Variants in MYO1D observed in about 807,000 individuals in gnomAD.
The protein encoded by MYO1D is unconventional myosin-Id.
MYO1D carries 83 observed loss-of-function variants against 122.0 expected under a neutral mutation model. The observed-to-expected ratio is 0.68, with a 90% CI of 0.57 to 0.82. The LOEUF (loss-of-function observed/expected upper bound fraction) is 0.82, where lower values mean the gene tolerates loss of function less well. Ranked by LOEUF, MYO1D falls within the 40% of genes least tolerant of loss-of-function variation. The pLI, the probability that MYO1D is intolerant of heterozygous loss-of-function variation, is 0.00. For synonymous variants in MYO1D, 464 were observed against 446.9 expected (o/e 1.04, Z -0.48); for missense variants, 1,157 against 1,269.5 (o/e 0.91, Z 1.35).
intron 1 of MYO1D, among the ~76,000 whole-genome samples, chr17:32,848,222 T>C (rs1182621441): frequency 2.6e-5 from 4 of 152,230 alleles, no homozygotes; most frequent in Non-Finnish European, 5.9e-5. Flanking sequence ...ATATGGACTT[T>C]GGTACAAGAT....
intron 17 of MYO1D, among the ~76,000 whole-genome samples, chr17:32,656,374 G>A (rs534579145): frequency 6.6e-6 from 1 of 151,906 alleles, no homozygotes; most frequent in African/African-American, 2.4e-5. Flanking sequence ...AAGCAGATGG[G>A]ATCCAGCTGA....
intron 20 of MYO1D, among the ~76,000 whole-genome samples, chr17:32,617,406 A>G (rs1344728406): frequency 6.6e-6 from 1 of 152,076 alleles, no homozygotes; most frequent in East Asian, 1.9e-4. Context: ...AAGGCCTCAG[A>G]TACTGCAGAG....
chr17:32,543,268 T>C (rs1910901633), intron 21 of MYO1D, among the ~76,000 whole-genome samples: 1 of 149,978 alleles, frequency 6.7e-6, no homozygotes, highest in African/African-American at 2.5e-5. Flanking sequence ...TCTGATTATT[T>C]GGTGAGTCAT....
intron 1 of MYO1D, among the ~76,000 whole-genome samples, chr17:32,874,201 T>C (rs2091206822): frequency 6.6e-6 from 1 of 152,056 alleles, no homozygotes; most frequent in South Asian, 2.1e-4. Flanking sequence ...ACTTGACAAA[T>C]AATCACCTAA....
chr17:32,808,127 G>A (rs918972272), intron 1 of MYO1D, among the ~76,000 whole-genome samples: 1 of 152,078 alleles, frequency 6.6e-6, no homozygotes, highest in Non-Finnish European at 1.5e-5. Flanking sequence ...TAAATTTGAT[G>A]TTTTGGAAGG....
At chr17:32,513,947 TA>T (rs1000735834) in intron 21 of MYO1D, among the ~76,000 whole-genome samples, 1 of 151,732 alleles carries the variant, frequency 6.6e-6, no homozygotes, top group African/African-American at 2.4e-5. Flanking sequence ...CCATGCTAAT[TA>T]AAAAAATTTT....
intron 16 of MYO1D, among the ~76,000 whole-genome samples, chr17:32,669,361 T>G (rs192850344): frequency 6.6e-6 from 1 of 152,326 alleles, no homozygotes; most frequent in Admixed American, 6.5e-5. Context: ...CTTCCATTAC[T>G]TCCTTTCATG....
In MYO1D at chr17:32,867,730, G is replaced by A. The variant is rs1468023377; in HGVS notation, c.95+9048C>T. On this transcript the variant is annotated intron_variant, in intron 1 of 21. Coordinates refer to ENST00000318217, the MANE Select transcript of MYO1D (RefSeq NM_015194.3). Reference sequence around the variant, plus strand: ...GAGAACTGCTTGAACCCAGGAGATGGAGGTTGCAGTGAGCCGAGAGATCAT... The same window carrying A: ...GAGAACTGCTTGAACCCAGGAGATGAAGGTTGCAGTGAGCCGAGAGATCAT... 3.3e-5 allele frequency among the ~76,000 whole-genome samples: 5 copies of A among 149,600 alleles called. No homozygotes were observed. In the East Asian group the frequency reaches 7.9e-4, roughly 24 times the overall value.
intron 16 of MYO1D, among the ~76,000 whole-genome samples, chr17:32,683,420 G>A (rs1258399539): frequency 6.6e-6 from 1 of 152,172 alleles, no homozygotes; most frequent in Non-Finnish European, 1.5e-5. Flanking sequence ...TGTACAGATG[G>A]GTTTTCGGTG....
At chr17:32,656,031 C>G (rs1255655483) in intron 17 of MYO1D, among the ~76,000 whole-genome samples, 1 of 152,086 alleles carries the variant, frequency 6.6e-6, no homozygotes, top group Non-Finnish European at 1.5e-5. Flanking sequence ...AAGCTTAAAC[C>G]AAAAATAACC....
Position 32,756,776 on chromosome 17 carries a change from A to G in MYO1D, c.1297-1114T>C, listed in dbSNP as rs538434619. Among the ~76,000 whole-genome samples the G allele has an allele frequency of 1.1e-4, 16 of 152,322 alleles. 3 individuals are homozygous for G. Among genetic ancestry groups the G allele is most frequent in the African/African-American group, 3.4e-4 (14 of 41,576 alleles). On this transcript the variant is annotated intron_variant, in intron 10 of 21. Coordinates refer to ENST00000318217, the MANE Select transcript of MYO1D (RefSeq NM_015194.3). The stretch of plus-strand genomic sequence containing the variant: ...TCTGAGAAATAAATATCTATAAAAG[A>G]TAAGAAAAAGCTTTTCCTTTACTTC...
intron 14 of MYO1D, among the ~76,000 whole-genome samples, chr17:32,721,948 T>C (rs1304235846): frequency 6.6e-6 from 1 of 152,238 alleles, no homozygotes; most frequent in African/African-American, 2.4e-5. Flanking sequence ...GTGTAAAGAA[T>C]TTCTTTTTCT....
intron 21 of MYO1D, among the ~76,000 whole-genome samples, chr17:32,579,979 T>A (rs1041192611): frequency 6.6e-5 from 10 of 152,224 alleles, no homozygotes; most frequent in African/African-American, 2.4e-4. Flanking sequence ...GATAAATGTG[T>A]TTATTTCCCC....
intron 1 of MYO1D, among the ~76,000 whole-genome samples, chr17:32,792,018 T>C (rs1215581207): frequency 1.3e-5 from 2 of 152,300 alleles, no homozygotes; most frequent in East Asian, 1.9e-4. Context: ...TGTAAGTAGA[T>C]AGAGAAAAGC....
chr17:32,767,725 T>G lies in MYO1D; in HGVS notation c.742A>C (p.Arg248=). The change falls in exon 7 of 22, where the codon AGA becomes CGA. Residue 248 remains arginine, a synonymous_variant. Coordinates refer to ENST00000318217, the MANE Select transcript of MYO1D (RefSeq NM_015194.3). ...KSSINDAAEF[R]VVADAMKVIG... is the part of the protein sequence containing the mutation. ...ACTTTCATGGCATCAGCAACAACTC[T>G]GAATTCGGCAGCATCATTGATAGAA... 1.2e-6 allele frequency: 2 copies of G among 1,613,674 alleles called. No individual in the cohort carries two copies. The highest frequency in any genetic ancestry group is 1.7e-6 in the Non-Finnish European group (2 of 1,179,742).
intron 16 of MYO1D, among the ~76,000 whole-genome samples, chr17:32,710,772 A>G (rs1036784632): frequency 6.6e-6 from 1 of 152,238 alleles, no homozygotes; most frequent in Non-Finnish European, 1.5e-5. Context: ...ACAAAGTATG[A>G]ATAGACAGTT....
At chr17:32,517,315 T>C (rs1909924866) in intron 21 of MYO1D, among the ~76,000 whole-genome samples, 1 of 152,224 alleles carries the variant, frequency 6.6e-6, no homozygotes, top group Admixed American at 6.5e-5. Context: ...AGAAGTCATA[T>C]GAGCAGTACT....
chr17:32,759,824 C>A, intron 10 of MYO1D: 1 of 377,292 alleles, frequency 2.7e-6, no homozygotes, highest in Non-Finnish European at 4.7e-6. Context: ...CAAAGTAAAA[C>A]AAGTATTTTA....
intron 16 of MYO1D, among the ~76,000 whole-genome samples, chr17:32,670,167 A>C (rs374214018): frequency 6.6e-6 from 1 of 152,132 alleles, no homozygotes; most frequent in South Asian, 2.1e-4. Flanking sequence ...AAGTGCTGTG[A>C]TTACAGGTGT....
Sources: gnomAD v4.1 joint callset for allele counts (sites outside exome capture counted in the v4.1 genomes callset) on GRCh38, gnomAD v4.1.1 for gene constraint, MANE v1.5 for transcripts, NCBI Gene and HGNC (gene_info 2026-07-23, HGNC 2026-07-21) for gene names.